Variants in PCDH15 observed in about 807,000 individuals in gnomAD.
PCDH15 encodes protocadherin-15.
A neutral mutation model predicts 178.5 loss-of-function variants in PCDH15; 129 were observed. The observed-to-expected ratio is 0.72, with a 90% CI of 0.63 to 0.84. The LOEUF (loss-of-function observed/expected upper bound fraction) is 0.84. Ranked by LOEUF, PCDH15 falls within the 40% of genes least tolerant of loss-of-function variation. The pLI, the probability that PCDH15 is intolerant of heterozygous loss-of-function variation, is 0.00. For synonymous variants in PCDH15, 800 were observed against 732.0 expected, an observed-to-expected ratio of 1.09 and a Z score of -1.50; for missense variants, 2,230 against 2,099.9, an observed-to-expected ratio of 1.06 and a Z score of -1.21.
At chr10:55,347,057 TA>T (rs200231191) in intron 2 of PCDH15, among the ~76,000 whole-genome samples, 1 of 151,076 alleles carries the variant, frequency 6.6e-6, no homozygotes, top group South Asian at 2.1e-4. Context: ...CTACAAAAAA[TA>T]AAAAAAATTA....
At chr10:54,058,038 T>A (rs2093935139) in intron 18 of PCDH15, among the ~76,000 whole-genome samples, 1 of 152,184 alleles carries the variant, frequency 6.6e-6, no homozygotes, top group East Asian at 1.9e-4. Context: ...GTCAAAGTCA[T>A]TTAATAATTC....
intron 8 of PCDH15, among the ~76,000 whole-genome samples, chr10:54,269,034 T>C (rs2057881300): frequency 6.6e-6 from 1 of 151,954 alleles, no homozygotes; most frequent in Non-Finnish European, 1.5e-5. Context: ...TGAATGTCTT[T>C]CTCAGTAATT....
At chr10:53,852,244 T>C (rs778288519) in intron 28 of PCDH15, among the ~76,000 whole-genome samples, 11 of 152,034 alleles carry the variant, frequency 7.2e-5, no homozygotes, top group Non-Finnish European at 1.0e-4. Flanking sequence ...GTGTCCCTAC[T>C]GTTATTCTCA....
At chr10:54,851,186 T>C (rs1056017978) in intron 3 of PCDH15, among the ~76,000 whole-genome samples, 1 of 152,120 alleles carries the variant, frequency 6.6e-6, no homozygotes, top group African/African-American at 2.4e-5. Flanking sequence ...CACAACGTAA[T>C]CATTACACAT....
chr10:54,510,012 T>C (rs1039565893), intron 3 of PCDH15, among the ~76,000 whole-genome samples: 3 of 152,144 alleles, frequency 2.0e-5, no homozygotes, highest in African/African-American at 4.8e-5. Flanking sequence ...CTTGGAGAAG[T>C]CAGCCAGACT....
intron 13 of PCDH15, among the ~76,000 whole-genome samples, chr10:54,154,654 T>A (rs2044905384): frequency 6.6e-6 from 1 of 152,232 alleles, no homozygotes; most frequent in South Asian, 2.1e-4. Flanking sequence ...GAAGGGGTTA[T>A]ATTATGCATA....
At chr10:54,523,210 T>C (rs2083055048) in intron 3 of PCDH15, among the ~76,000 whole-genome samples, 1 of 152,186 alleles carries the variant, frequency 6.6e-6, no homozygotes, top group African/African-American at 2.4e-5. Context: ...AACAAAATCT[T>C]GATTCTTGAC....
chr10:55,602,699 A>G (rs917559114), intron 2 of PCDH15, among the ~76,000 whole-genome samples: 7 of 152,178 alleles, frequency 4.6e-5, no homozygotes, highest in African/African-American at 1.7e-4. Context: ...AAGGAAAACT[A>G]ACAAACAGAA....
intron 2 of PCDH15, among the ~76,000 whole-genome samples, chr10:55,098,895 TGAGAGAGAGAGAGAGAGA>T (rs10535301): frequency 5.8e-5 from 7 of 120,190 alleles, no homozygotes; most frequent in South Asian, 6.1e-4. Flanking sequence ...AAAACTTCAA[TGAGAGAGAGAGAGAGAGA>T]GAGAGAGAGA....
chr10:54,060,698 C>A (rs2093995589), intron 18 of PCDH15, among the ~76,000 whole-genome samples: 1 of 152,130 alleles, frequency 6.6e-6, no homozygotes, highest in South Asian at 2.1e-4. Context: ...AGTTTTATTC[C>A]ATGGCCCATA....
intron 2 of PCDH15, chr10:54,607,061 A>T (rs1015494716): frequency 6.6e-5 from 10 of 152,148 alleles, no homozygotes; most frequent in Non-Finnish European, 1.5e-5. Context: ...GGCTAGAAAG[A>T]TTTATTAACA....
At chr10:54,833,839 G>T (rs1478239368) in intron 3 of PCDH15, among the ~76,000 whole-genome samples, 1 of 152,166 alleles carries the variant, frequency 6.6e-6, no homozygotes, top group Non-Finnish European at 1.5e-5. Context: ...AGCCTGAAAG[G>T]CTGCCTTTTA....
intron 2 of PCDH15, among the ~76,000 whole-genome samples, chr10:55,452,020 A>G (rs915839875): frequency 1.1e-4 from 17 of 152,214 alleles, no homozygotes; most frequent in African/African-American, 4.1e-4. Flanking sequence ...TATTGATATG[A>G]CTAAATAGTT....
chr10:54,289,533 G>A (rs2059260068), intron 8 of PCDH15, among the ~76,000 whole-genome samples: 1 of 152,198 alleles, frequency 6.6e-6, no homozygotes, highest in South Asian at 2.1e-4. Flanking sequence ...AGCAAAGCTG[G>A]ATGGAGAATG....
intron 3 of PCDH15, among the ~76,000 whole-genome samples, chr10:54,889,500 G>GAGATATATATATAT (rs1554811033): frequency 7.0e-6 from 1 of 142,008 alleles, no homozygotes; most frequent in South Asian, 2.2e-4. Context: ...TAATTGTGAA[G>GAGATATATATATAT]ATATATATAT....
intron 1 of PCDH15, among the ~76,000 whole-genome samples, chr10:55,192,234 G>C (rs1214687515): frequency 6.6e-6 from 1 of 151,580 alleles, no homozygotes; most frequent in Non-Finnish European, 1.5e-5. Context: ...TATTTCCTCT[G>C]TCTCTTCCAT....
intron 1 of PCDH15, among the ~76,000 whole-genome samples, chr10:54,784,141 G>A (rs1315751799): frequency 6.6e-6 from 1 of 151,920 alleles, no homozygotes; most frequent in Non-Finnish European, 1.5e-5. Context: ...GCTCCACCTA[G>A]CCTCTTCCTT....
intron 1 of PCDH15, among the ~76,000 whole-genome samples, chr10:55,298,670 C>T (rs1843196056): frequency 6.6e-6 from 1 of 151,984 alleles, no homozygotes. Flanking sequence ...CAACCTCCAC[C>T]TGCCAGTTCA....
intron 3 of PCDH15, among the ~76,000 whole-genome samples, chr10:54,523,586 A>G (rs1393873858): frequency 6.6e-6 from 1 of 152,204 alleles, no homozygotes; most frequent in Non-Finnish European, 1.5e-5. Context: ...TTACATAAGT[A>G]ATTCAATTTA....
Sources: allele counts gnomAD v4.1 joint callset (sites outside exome capture counted in the v4.1 genomes callset), GRCh38; gene constraint gnomAD v4.1.1; transcripts MANE v1.5; gene names NCBI Gene and HGNC (gene_info 2026-07-23, HGNC 2026-07-21).